FAM120A: variants seen among roughly 807,000 people sequenced by gnomAD.
FAM120A encodes constitutive coactivator of PPAR-gamma-like protein 1.
In FAM120A, 15 loss-of-function variants were observed where a neutral mutation model predicts 109.7. The observed-to-expected ratio is 0.14, with a 90% CI of 0.09 to 0.21. The LOEUF (loss-of-function observed/expected upper bound fraction) is 0.21, where lower values mean the gene tolerates loss of function less well. Ranked by LOEUF, FAM120A falls within the 10% of genes least tolerant of loss-of-function variation. The probability of loss-of-function intolerance (pLI) is 1.00; values close to 1 mark genes in which losing one functional copy is unlikely to be tolerated. For missense variants in FAM120A, 899 were observed against 1,439.3 expected, an observed-to-expected ratio of 0.62 and a Z score of 6.07; for synonymous variants, 493 against 572.8, an observed-to-expected ratio of 0.86 and a Z score of 1.99.
chr9:93,520,662 G>A (rs180690088), intron 7 of FAM120A, among the ~76,000 whole-genome samples: 5 of 152,244 alleles, frequency 3.3e-5, no homozygotes, highest in Non-Finnish European at 1.5e-5. Context: ...CTCTGTGCCT[G>A]TAGGAAGGTG....
At chr9:93,514,756 G>A (rs554919716) in intron 5 of FAM120A, among the ~76,000 whole-genome samples, 44 of 152,290 alleles carry the variant, frequency 2.9e-4, no homozygotes, top group African/African-American at 9.4e-4. Flanking sequence ...GCTGTCTCTG[G>A]AACAGCCCTT....
intron 2 of FAM120A, among the ~76,000 whole-genome samples, chr9:93,473,351 A>AGTG (rs1190548123): frequency 6.6e-6 from 1 of 151,670 alleles, no homozygotes; most frequent in Non-Finnish European, 1.5e-5. Flanking sequence ...TGTTGCCTAG[A>AGTG]GTGGAGTGCA....
At chr9:93,465,571 C>T (rs61372617) in intron 1 of FAM120A, among the ~76,000 whole-genome samples, 6,819 of 151,896 alleles carry the variant, frequency 0.045, 517 homozygotes, top group African/African-American at 0.16. Context: ...AGAATATTGA[C>T]TCTTTTTTTT....
At chr9:93,558,435 C>A in intron 14 of FAM120A, 146 bp from the exon 15 acceptor site, 1 of 1,000,218 alleles carries the variant, frequency 1.0e-6, no homozygotes, top group Non-Finnish European at 1.5e-6. Flanking sequence ...GGACCATGGG[C>A]ACAGGACAGT....
intron 10 of FAM120A, among the ~76,000 whole-genome samples, chr9:93,538,294 C>T (rs1290112098): frequency 2.0e-5 from 3 of 152,080 alleles, no homozygotes; most frequent in African/African-American, 7.3e-5. Context: ...AGGGTGCTTA[C>T]AGACGTATCA....
At chr9:93,479,542 A>G (rs1422758721) in intron 3 of FAM120A, among the ~76,000 whole-genome samples, 4 of 152,120 alleles carry the variant, frequency 2.6e-5, no homozygotes, top group Admixed American at 1.3e-4. Flanking sequence ...CTTAACAGCT[A>G]TTTTTCCAGT....
chr9:93,540,616 GT>G (rs1177334557), intron 10 of FAM120A, among the ~76,000 whole-genome samples: 1 of 152,146 alleles, frequency 6.6e-6, no homozygotes, highest in Non-Finnish European at 1.5e-5. Context: ...TCTGGGCTGT[GT>G]CGAGTCTGGA....
rs928011483 is a variant in FAM120A, at chr9:93,564,904, A to G, written c.*364A>G. 1.2e-5 allele frequency: 2 copies of G among 166,662 alleles called. No individual in the cohort carries two copies. Among genetic ancestry groups the G allele is most frequent in the African/African-American group, 4.8e-5 (2 of 42,018 alleles). The allele number at this position is 166,662 out of a possible 1,614,324, so 10.3% of individuals were successfully genotyped here. ...TCTTTAAGTATATATAGCTTAAAAT[A>G]TAATTTTTAGCATTTGGCACCATAT... On this transcript the variant is annotated 3_prime_UTR_variant, in exon 18 of 18. Coordinates refer to ENST00000277165, the MANE Select transcript of FAM120A (RefSeq NM_014612.5).
At chr9:93,468,065 G>A (rs1055280684) in intron 1 of FAM120A, among the ~76,000 whole-genome samples, 15 of 151,980 alleles carry the variant, frequency 9.9e-5, no homozygotes, top group Non-Finnish European at 1.6e-4. Context: ...TGTATTTTTA[G>A]TAGAGTCGGG....
intron 10 of FAM120A, among the ~76,000 whole-genome samples, chr9:93,536,259 C>CT (rs1861512671): frequency 6.6e-6 from 1 of 152,196 alleles, no homozygotes; most frequent in African/African-American, 2.4e-5. Context: ...AGAAAGAGTC[C>CT]TGGGAGGCCA....
chr9:93,473,522 GC>G (rs1273206964), intron 2 of FAM120A, among the ~76,000 whole-genome samples: 3 of 152,152 alleles, frequency 2.0e-5, no homozygotes. Flanking sequence ...TGTTGGCCAG[GC>G]CGGTCTCCAA....
chr9:93,523,252 G>T (rs1295069436), intron 7 of FAM120A: 1 of 1,205,164 alleles, frequency 8.3e-7, no homozygotes, highest in Non-Finnish European at 1.1e-6. Flanking sequence ...CTTGAAGATG[G>T]TGTTGAATGT....
chr9:93,508,410 A>T (rs573431489), intron 5 of FAM120A, among the ~76,000 whole-genome samples: 1 of 152,144 alleles, frequency 6.6e-6, no homozygotes, highest in African/African-American at 2.4e-5. Flanking sequence ...GTGCCCTGAC[A>T]GGTCCCCAAG....
Position 93,515,018 on chromosome 9 carries a change from A to C in FAM120A, c.1031-649A>C, listed in dbSNP as rs561118092. 1.1e-4 allele frequency among the ~76,000 whole-genome samples: 17 copies of C among 152,224 alleles called. No individual in the cohort carries two copies. In the South Asian group the frequency reaches 3.5e-3, roughly 32 times the overall value. On this transcript the variant is annotated intron_variant, in intron 5 of 17. Coordinates refer to ENST00000277165, the MANE Select transcript of FAM120A (RefSeq NM_014612.5). ...AGGTAGCGTGGGAATGATGACTAGC[A>C]CATGGCAGCACACATCAGGCAGGTT... is the stretch of plus-strand genomic sequence containing the variant.
In FAM120A at chr9:93,529,447, C is replaced by G; in HGVS notation, c.1601C>G (p.Ser534Trp). The G allele has an allele frequency of 1.2e-6, 2 of 1,614,210 alleles. No homozygotes were observed. Among genetic ancestry groups the G allele is most frequent in the Non-Finnish European group, 1.7e-6 (2 of 1,180,030 alleles). The change falls in exon 9 of 18, where the codon TCG becomes TGG. Residue 534 changes from serine (S) to tryptophan (W), a missense_variant. Ser to Trp is a radical substitution (Grantham distance 177). Around this residue, in one of 11 missense-constraint regions of FAM120A, gnomAD observed 133 missense variants for 276.6 expected, o/e 0.48. Transcript: ENST00000277165. ...GTVQPIPCLL[S>W]MPTRNHMDIT... ...GTCCAGCCAATCCCGTGCCTCCTGT[C>G]GATGCCCACCAGGAACCACATGGAC...
At position 93,560,072 on chromosome 9, in the gene FAM120A, T is replaced by C. The variant is rs77827379; in HGVS notation, c.2807-1037T>C. ...ATTTTGGGAGGCCAAGGAGAGAGAA[T>C]TGCTTGAGGCAGGAGTTCAAGACCA... On this transcript the variant is annotated intron_variant, in intron 15 of 17. Transcript: ENST00000277165. Among the ~76,000 whole-genome samples the C allele has an allele frequency of 2.4e-3, 371 of 152,224 alleles. 14 individuals are homozygous for C. The South Asian group carries it at 0.035, about 14-fold the overall frequency.
chr9:93,481,314 G>C (rs1564317975), intron 3 of FAM120A, among the ~76,000 whole-genome samples: 1 of 152,176 alleles, frequency 6.6e-6, no homozygotes, highest in South Asian at 2.1e-4. Flanking sequence ...TGGGCATTTT[G>C]TTGTTTTAAT....
chr9:93,536,527 G>A (rs184772806), intron 10 of FAM120A, among the ~76,000 whole-genome samples: 94 of 152,316 alleles, frequency 6.2e-4, no homozygotes, highest in Non-Finnish European at 1.0e-3. Flanking sequence ...CTATTCAAAA[G>A]GCAAGCATGT....
intron 5 of FAM120A, among the ~76,000 whole-genome samples, chr9:93,503,864 A>T (rs1035879649): frequency 1.3e-5 from 2 of 151,992 alleles, no homozygotes; most frequent in Non-Finnish European, 2.9e-5. Flanking sequence ...TTTTAAAGTA[A>T]AGAGCTCGTT....
Sources: gnomAD v4.1 joint callset for allele counts (sites outside exome capture counted in the v4.1 genomes callset) on GRCh38, gnomAD v4.1.1 for gene constraint, gnomAD v4.1.1 regional missense constraint, MANE v1.5 for transcripts, NCBI Gene and HGNC (gene_info 2026-07-23, HGNC 2026-07-21) for gene names.